Variants in SYNJ2BP observed in about 807,000 individuals in gnomAD.
SYNJ2BP encodes the protein synaptojanin-2-binding protein.
A neutral mutation model predicts 16.9 loss-of-function variants in SYNJ2BP; 10 were observed. The ratio of observed to expected loss-of-function variants is 0.59; its 90% CI spans 0.36 to 1.00. The LOEUF is 1.00. SYNJ2BP is among the 50% of genes least tolerant of loss of function. SYNJ2BP has a pLI of 0.01. For missense variants in SYNJ2BP, 162 were observed against 186.7 expected, an observed-to-expected ratio of 0.87 and a Z score of 0.77; for synonymous variants, 54 against 68.4, an observed-to-expected ratio of 0.79 and a Z score of 1.04.
intron 1 of SYNJ2BP, among the ~76,000 whole-genome samples, chr14:70,408,010 A>T (rs1888385621): frequency 6.6e-6 from 1 of 152,196 alleles, no homozygotes; most frequent in African/African-American, 2.4e-5. Flanking sequence ...TATTATTGGA[A>T]TTGAAAATTA....
In SYNJ2BP at chr14:70,368,759, TTTAA is replaced by T. The variant is rs1887451692; in HGVS notation, c.*4228_*4231del. The T allele has an allele frequency of 2.0e-5, 3 of 151,700 alleles. No individual in the cohort carries two copies. The highest frequency in any genetic ancestry group is 6.6e-5 in the Admixed American group (1 of 15,258). The allele number at this position is 151,700 out of a possible 1,614,324, so 9.4% of individuals were successfully genotyped here. ...ATGTAATTTAATAATTTAAATAGTGTTTAATTAAATAGTGTCTTGTTTAAATGCT... is the reference window on the plus strand; with the variant it reads ...ATGTAATTTAATAATTTAAATAGTGTTTAAATAGTGTCTTGTTTAAATGCT... On this transcript the variant is annotated 3_prime_UTR_variant, in exon 4 of 4. Transcript: ENST00000256366.
intron 1 of SYNJ2BP, among the ~76,000 whole-genome samples, chr14:70,396,306 A>G (rs921408520): frequency 1.3e-5 from 2 of 152,004 alleles, no homozygotes; most frequent in African/African-American, 4.8e-5. Context: ...TTTAGTAGAG[A>G]CAGGGTTTCA....
At chr14:70,390,210 A>G (rs551809571) in intron 1 of SYNJ2BP, among the ~76,000 whole-genome samples, 1 of 152,308 alleles carries the variant, frequency 6.6e-6, no homozygotes, top group East Asian at 1.9e-4. Flanking sequence ...GGAAAAAGGA[A>G]CTTCTCTAGG....
intron 3 of SYNJ2BP, among the ~76,000 whole-genome samples, chr14:70,373,373 G>A (rs1360206955): frequency 6.6e-6 from 1 of 152,144 alleles, no homozygotes; most frequent in African/African-American, 2.4e-5. Flanking sequence ...AGGGACCCGT[G>A]AGGGCAAGTC....
intron 2 of SYNJ2BP, among the ~76,000 whole-genome samples, chr14:70,383,747 A>G (rs1411531027): frequency 6.6e-6 from 1 of 152,020 alleles, no homozygotes; most frequent in Non-Finnish European, 1.5e-5. Flanking sequence ...CTAATAATAA[A>G]CCATTCTCGC....
In SYNJ2BP at chr14:70,373,015, G is replaced by C. The variant is rs762705588; in HGVS notation, c.414C>G (p.Phe138Leu). Reference sequence around the variant, plus strand: ...TTCAAAGTTGTTGCCGGTATCTCATGAAAGCCCAGGCTGCTACCATGGTGA... The same window carrying C: ...TTCAAAGTTGTTGCCGGTATCTCATCAAAGCCCAGGCTGCTACCATGGTGA... ...FALTMVAAWA[F>L]MRYRQQL is the part of the protein sequence containing the mutation. The change falls in exon 4 of 4, where the codon TTC becomes TTG. Residue 138 changes from phenylalanine to leucine, a missense_variant. Phe to Leu is a conservative substitution (Grantham distance 22). Coordinates refer to ENST00000256366, the MANE Select transcript of SYNJ2BP (RefSeq NM_018373.3). 1 of 1,614,136 alleles carries C rather than the reference G, an allele frequency of 6.2e-7. No individual in the cohort carries two copies. The highest frequency in any genetic ancestry group is 1.1e-5 in the South Asian group (1 of 91,076).
At chr14:70,404,677 T>C (rs1292820472) in intron 1 of SYNJ2BP, among the ~76,000 whole-genome samples, 1 of 152,170 alleles carries the variant, frequency 6.6e-6, no homozygotes, top group Non-Finnish European at 1.5e-5. Flanking sequence ...AAAGTTACCG[T>C]CAATATATAC....
intron 1 of SYNJ2BP, among the ~76,000 whole-genome samples, chr14:70,396,025 C>T (rs1414598794): frequency 1.3e-5 from 2 of 152,062 alleles, no homozygotes; most frequent in Non-Finnish European, 2.9e-5. Context: ...ATTTTATTTA[C>T]CTATTCATCT....
rs75770208 is a variant in SYNJ2BP at position 70,385,770 on chromosome 14, C to T, written c.201+2700G>A. 7.9e-3 allele frequency among the ~76,000 whole-genome samples: 1,207 copies of T among 152,238 alleles called. 22 individuals are homozygous for T. The highest frequency in any genetic ancestry group is 0.027 in the African/African-American group (1,131 of 41,518). The stretch of plus-strand genomic sequence containing the variant: ...TTTAGGATAACTAATCCTAGCTCCT[C>T]ATTTACCTTTTAGGAGGCAGTATAA... On this transcript the variant is annotated intron_variant, in intron 2 of 3. Coordinates refer to ENST00000256366, the MANE Select transcript of SYNJ2BP (RefSeq NM_018373.3).
intron 1 of SYNJ2BP, among the ~76,000 whole-genome samples, chr14:70,404,175 T>TA (rs55783829): frequency 0.49 from 73,923 of 149,412 alleles, 19,806 homozygotes; most frequent in Non-Finnish European, 0.6. Flanking sequence ...AATGAAAAAT[T>TA]AAAAAAAAAA....
intron 2 of SYNJ2BP, 71 bp from the exon 3 acceptor site, chr14:70,375,842 C>A: frequency 6.3e-7 from 1 of 1,581,214 alleles, no homozygotes; most frequent in Non-Finnish European, 8.6e-7. Context: ...TTTCAAATGG[C>A]CAAACTTTAA....
At chr14:70,399,171 C>T (rs116322112) in intron 1 of SYNJ2BP, among the ~76,000 whole-genome samples, 3 of 152,300 alleles carry the variant, frequency 2.0e-5, no homozygotes, top group Admixed American at 6.5e-5. Context: ...CCCCAACGTG[C>T]GGCCCCAGCT....
At chr14:70,373,169 T>C (rs1195827763) in intron 3 of SYNJ2BP, 38 bp from the exon 4 acceptor site, 7 of 1,610,236 alleles carry the variant, frequency 4.3e-6, no homozygotes, top group Non-Finnish European at 5.1e-6. Context: ...TAGTGACTAA[T>C]GTGTGTTTGC....
intron 1 of SYNJ2BP, among the ~76,000 whole-genome samples, chr14:70,411,699 T>C (rs1888476407): frequency 6.6e-6 from 1 of 152,214 alleles, no homozygotes. Context: ...GACCCACAAG[T>C]TCCACGTTCT....
chr14:70,410,848 G>A (rs1888457186), intron 1 of SYNJ2BP, among the ~76,000 whole-genome samples: 1 of 152,026 alleles, frequency 6.6e-6, no homozygotes, highest in South Asian at 2.1e-4. Context: ...ACAGACACTG[G>A]GGCCTACTTA....
intron 3 of SYNJ2BP, among the ~76,000 whole-genome samples, chr14:70,374,625 T>C (rs1887585649): frequency 6.6e-6 from 1 of 152,174 alleles, no homozygotes; most frequent in African/African-American, 2.4e-5. Context: ...CAGGGATAGG[T>C]GCTGCCTTGA....
intron 1 of SYNJ2BP, among the ~76,000 whole-genome samples, chr14:70,397,239 C>T (rs1255073860): frequency 1.3e-5 from 2 of 151,962 alleles, no homozygotes; most frequent in African/African-American, 4.8e-5. Flanking sequence ...AAAATGTGTA[C>T]TCTGCTGTTA....
At chr14:70,373,192 C>T in intron 3 of SYNJ2BP, 61 bp from the exon 4 acceptor site, 1 of 1,593,076 alleles carries the variant, frequency 6.3e-7, no homozygotes, top group Non-Finnish European at 8.5e-7. Flanking sequence ...CTGAAACGCC[C>T]AGGTTGATAC....
chr14:70,397,634 T>C (rs1481702874), intron 1 of SYNJ2BP, among the ~76,000 whole-genome samples: 3 of 152,142 alleles, frequency 2.0e-5, no homozygotes, highest in Non-Finnish European at 2.9e-5. Context: ...ATCTGGAAGC[T>C]TGGAGATGCC....
Sources: gnomAD v4.1 joint callset for allele counts (sites outside exome capture counted in the v4.1 genomes callset) on GRCh38, gnomAD v4.1.1 for gene constraint, MANE v1.5 for transcripts, NCBI Gene and HGNC (gene_info 2026-07-23, HGNC 2026-07-21) for gene names.